ANO2: variants seen among roughly 807,000 people sequenced by gnomAD.
The protein encoded by ANO2 is anoctamin 2, also known as anoctamin-2.
Under a neutral mutation model 124.2 loss-of-function variants are expected in ANO2, and 101 were observed. The observed-to-expected ratio is 0.81, with a 90% CI of 0.69 to 0.96. The LOEUF (loss-of-function observed/expected upper bound fraction) is 0.96, where lower values mean the gene tolerates loss of function less well. ANO2 is among the 40% of genes least tolerant of loss of function. The probability of loss-of-function intolerance (pLI) is 0.00; values close to 1 mark genes in which losing one functional copy is unlikely to be tolerated. For synonymous variants in ANO2, 486 were observed against 482.5 expected, an observed-to-expected ratio of 1.01 and a Z score of -0.09; for missense variants, 1,293 against 1,274.5, an observed-to-expected ratio of 1.01 and a Z score of -0.22.
intron 16 of ANO2, 47 bp from the exon 17 acceptor site, chr12:5,615,344 C>A: frequency 6.8e-7 from 1 of 1,470,026 alleles, no homozygotes; most frequent in Non-Finnish European, 9.4e-7. Context: ...AGATTTCTCA[C>A]CTCTCCAGAG....
At chr12:5,796,363 C>T (rs1952849952) in intron 10 of ANO2, among the ~76,000 whole-genome samples, 2 of 151,746 alleles carry the variant, frequency 1.3e-5, no homozygotes, top group Non-Finnish European at 2.9e-5. Flanking sequence ...CACACACACC[C>T]TCACATATAC....
chr12:5,791,143 G>A (rs1952683676), intron 10 of ANO2, among the ~76,000 whole-genome samples: 2 of 152,096 alleles, frequency 1.3e-5, no homozygotes, highest in African/African-American at 2.4e-5. Context: ...CCGTGGAAGC[G>A]TCTTACTTTG....
intron 7 of ANO2, among the ~76,000 whole-genome samples, chr12:5,808,918 C>A (rs1330950139): frequency 6.6e-6 from 1 of 152,162 alleles, no homozygotes; most frequent in African/African-American, 2.4e-5. Context: ...AAAGACTATT[C>A]TCCAGGCCCC....
rs112972893 is a variant in ANO2 at position 5,654,628 on chromosome 12, C to A, written c.1546-6827G>T. Reference sequence around the variant, plus strand: ...TCACTATCTTCCCCAATCCTGCCATCATCACAAGCAACTGAGATCCAGAAA... The same window carrying A: ...TCACTATCTTCCCCAATCCTGCCATAATCACAAGCAACTGAGATCCAGAAA... On this transcript the variant is annotated intron_variant, in intron 14 of 24. Coordinates refer to ENST00000682330, the MANE Select transcript of ANO2 (RefSeq NM_001364791.2). Among the ~76,000 whole-genome samples, 15 of 152,314 alleles carry A rather than the reference C, an allele frequency of 9.8e-5. 1 individual carries two copies. Among genetic ancestry groups the A allele is most frequent in the African/African-American group, 3.6e-4 (15 of 41,582 alleles).
intron 14 of ANO2, among the ~76,000 whole-genome samples, chr12:5,715,746 C>T (rs1428571550): frequency 6.6e-6 from 1 of 152,202 alleles, no homozygotes; most frequent in Non-Finnish European, 1.5e-5. Flanking sequence ...CTGTGTAATT[C>T]CTGCAGACAG....
chr12:5,794,449 C>T (rs1401261957), intron 10 of ANO2, among the ~76,000 whole-genome samples: 2 of 152,194 alleles, frequency 1.3e-5, no homozygotes, highest in African/African-American at 4.8e-5. Flanking sequence ...GATTTTCAGT[C>T]ATTAGTATCA....
chr12:5,822,043 C>A (rs115179075), intron 7 of ANO2, among the ~76,000 whole-genome samples: 1 of 152,160 alleles, frequency 6.6e-6, no homozygotes, highest in Non-Finnish European at 1.5e-5. Context: ...CAGGCACCAC[C>A]CAAAAGTGGA....
chr12:5,899,833 C>A (rs1419800503), intron 3 of ANO2, among the ~76,000 whole-genome samples: 1 of 152,144 alleles, frequency 6.6e-6, no homozygotes, highest in African/African-American at 2.4e-5. Context: ...TGGGTTTCTG[C>A]GTTTCTACAT....
At chr12:5,922,944 A>G (rs1262754931) in intron 1 of ANO2, 140 bp from the exon 2 acceptor site, 3 of 894,564 alleles carry the variant, frequency 3.4e-6, no homozygotes, top group African/African-American at 1.7e-5. Context: ...GTTAGTCCCT[A>G]AAGCCCAGGT....
chr12:5,821,592 A>G (rs1444356128), intron 7 of ANO2, among the ~76,000 whole-genome samples: 1 of 152,214 alleles, frequency 6.6e-6, no homozygotes, highest in Admixed American at 6.5e-5. Flanking sequence ...AGTGAATCAC[A>G]GCGCAGGCCT....
At chr12:5,801,017 G>A (rs149184424) in intron 9 of ANO2, among the ~76,000 whole-genome samples, 170 of 152,298 alleles carry the variant, frequency 1.1e-3, no homozygotes, top group African/African-American at 4.0e-3. Flanking sequence ...AGAACCAGAA[G>A]TGTGTGGCAT....
Position 5,921,122 on chromosome 12 carries a change from A to G in ANO2, c.452T>C (p.Leu151Pro). 1 of 1,613,878 alleles carries G rather than the reference A, an allele frequency of 6.2e-7. No homozygotes were observed. Among genetic ancestry groups the G allele is most frequent in the Non-Finnish European group, 8.5e-7 (1 of 1,179,868 alleles). ...CCGCTGCTCCTTCCTCTCCTCCTCC[A>G]GGGCATCGAGCGGTCCCAGCTCAAT... ...GDIELGPLDA[L>P]EEERKEQREE... Residue 151 changes from leucine to proline, a missense_variant, in exon 3 of 25, where the codon CTG becomes CCG. Physicochemically the swap from Leu to Pro is moderately conservative, Grantham distance 98. Transcript: ENST00000682330.
At chr12:5,926,887 C>T (rs749045326) in intron 1 of ANO2, among the ~76,000 whole-genome samples, 3 of 152,152 alleles carry the variant, frequency 2.0e-5, no homozygotes, top group Non-Finnish European at 2.9e-5. Flanking sequence ...GTTTTTACTT[C>T]GGTGATTTGG....
At chr12:5,592,702 T>G (rs768176700) in intron 20 of ANO2, among the ~76,000 whole-genome samples, 1 of 152,190 alleles carries the variant, frequency 6.6e-6, no homozygotes, top group Non-Finnish European at 1.5e-5. Context: ...CAACTTAGGA[T>G]GCATTTCCAG....
intron 7 of ANO2, among the ~76,000 whole-genome samples, chr12:5,813,773 G>A (rs370787881): frequency 3.3e-5 from 5 of 152,126 alleles, no homozygotes; most frequent in African/African-American, 4.8e-5. Context: ...CCTGGGCCTC[G>A]TTGGCTCATA....
At chr12:5,608,524 G>C (rs571959573) in intron 19 of ANO2, among the ~76,000 whole-genome samples, 1 of 152,084 alleles carries the variant, frequency 6.6e-6, no homozygotes, top group South Asian at 2.1e-4. Flanking sequence ...GCTCATTCGA[G>C]AGAAATTCAT....
At chr12:5,844,162 T>C (rs1455512284) in intron 4 of ANO2, among the ~76,000 whole-genome samples, 5 of 152,132 alleles carry the variant, frequency 3.3e-5, no homozygotes, top group Admixed American at 6.6e-5. Context: ...TAAGGACAAA[T>C]ACTTAAAGCA....
chr12:5,565,504 C>A, intron 24 of ANO2, 54 bp downstream of exon 24: 1 of 1,434,282 alleles, frequency 7.0e-7, no homozygotes, highest in South Asian at 1.2e-5. Context: ...AGTGCAGTGT[C>A]CTTACTCCTG....
intron 23 of ANO2, among the ~76,000 whole-genome samples, chr12:5,574,269 C>T (rs1444545277): frequency 6.6e-6 from 1 of 152,080 alleles, no homozygotes; most frequent in Admixed American, 6.6e-5. Context: ...TCTTCATTTG[C>T]CCTTCTTGGG....
Sources: allele counts gnomAD v4.1 joint callset (sites outside exome capture counted in the v4.1 genomes callset), GRCh38; gene constraint gnomAD v4.1.1; transcripts MANE v1.5; gene names NCBI Gene and HGNC (gene_info 2026-07-23, HGNC 2026-07-21).